OR51B5: variants seen among roughly 807,000 people sequenced by gnomAD.
OR51B5 encodes the protein olfactory receptor 51B5.
For synonymous variants in OR51B5, 186 were observed against 144.8 expected (o/e 1.28, Z -2.04); for missense variants, 456 against 374.6 (o/e 1.22, Z -1.79).
At chr11:5,472,311 A>T (rs10838168) in intron 1 of OR51B5, among the ~76,000 whole-genome samples, 70,895 of 151,996 alleles carry the variant, frequency 0.47, 17,912 homozygotes, top group East Asian at 0.61. Flanking sequence ...CCTAATCACT[A>T]AAGGATTTCG....
At chr11:5,390,045 T>C in intron 1 of OR51B5, 1 of 1,613,634 alleles carries the variant, frequency 6.2e-7, no homozygotes, top group Middle Eastern at 1.6e-4. Flanking sequence ...ATGGTGGTAG[T>C]TTTCACTGTG....
chr11:5,498,249 G>C (rs1427965754), intron 1 of OR51B5, among the ~76,000 whole-genome samples: 11 of 152,062 alleles, frequency 7.2e-5, no homozygotes, highest in African/African-American at 2.7e-4. Context: ...GCGATCCTTG[G>C]GATTAGCTGA....
chr11:5,462,734 A>C (rs1462679407), intron 1 of OR51B5, among the ~76,000 whole-genome samples: 1 of 152,214 alleles, frequency 6.6e-6, no homozygotes, highest in East Asian at 1.9e-4. Context: ...CTTTGGACTC[A>C]GGACCCTCTG....
intron 1 of OR51B5, among the ~76,000 whole-genome samples, chr11:5,417,358 T>C (rs1850259309): frequency 6.6e-6 from 1 of 151,960 alleles, no homozygotes; most frequent in Non-Finnish European, 1.5e-5. Context: ...ATTCAGGACA[T>C]AGGCAAGGGC....
intron 1 of OR51B5, among the ~76,000 whole-genome samples, chr11:5,486,753 C>A (rs999015662): frequency 4.6e-5 from 7 of 152,134 alleles, no homozygotes; most frequent in African/African-American, 1.7e-4. Flanking sequence ...TGGCTGATGC[C>A]CATGACTTTT....
At chr11:5,477,730 C>G (rs576272834) in intron 1 of OR51B5, among the ~76,000 whole-genome samples, 2 of 152,116 alleles carry the variant, frequency 1.3e-5, no homozygotes, top group African/African-American at 4.8e-5. Flanking sequence ...GTTCCCTTTC[C>G]GAGTCAAAGA....
At chr11:5,451,065 G>A (rs932683144) in intron 1 of OR51B5, among the ~76,000 whole-genome samples, 5 of 152,204 alleles carry the variant, frequency 3.3e-5, no homozygotes, top group East Asian at 1.9e-4. Flanking sequence ...AGTATTAAAC[G>A]AGAAAATAAA....
At chr11:5,351,865 T>G in intron 1 of OR51B5, 1 of 1,613,342 alleles carries the variant, frequency 6.2e-7, no homozygotes, top group Non-Finnish European at 8.5e-7. Context: ...GGCTTATGAC[T>G]GTTTCATTAC....
At chr11:5,347,405 T>G (rs10768830), upstream of OR51B5, among the ~76,000 whole-genome samples, 1 of 152,004 alleles carries the variant, frequency 6.6e-6, no homozygotes, top group African/African-American at 2.4e-5. Flanking sequence ...TGAACGCACA[T>G]TCTGCAGTTA....
chr11:5,379,175 A>G (rs957459333), intron 1 of OR51B5, among the ~76,000 whole-genome samples: 2 of 151,952 alleles, frequency 1.3e-5, no homozygotes, highest in African/African-American at 4.8e-5. Flanking sequence ...CATGGATGAA[A>G]TTGGAAATCA....
intron 1 of OR51B5, among the ~76,000 whole-genome samples, chr11:5,387,069 T>C (rs1849706225): frequency 6.6e-6 from 1 of 152,034 alleles, no homozygotes. Flanking sequence ...CACCACTGTA[T>C]AAGTAATAAT....
At chr11:5,362,774 T>A (rs1692938611) in intron 1 of OR51B5, 1 of 224,022 alleles carries the variant, frequency 4.5e-6, no homozygotes, top group Non-Finnish European at 9.2e-6. Flanking sequence ...CTATAAAGAG[T>A]ATCTCCTTGG....
intron 1 of OR51B5, among the ~76,000 whole-genome samples, chr11:5,487,171 G>T (rs1012512741): frequency 1.3e-5 from 2 of 152,140 alleles, no homozygotes; most frequent in Non-Finnish European, 2.9e-5. Flanking sequence ...AATTATATCA[G>T]TTCACTTCTC....
chr11:5,374,308 C>G (rs796714930), intron 1 of OR51B5, among the ~76,000 whole-genome samples: 1 of 152,092 alleles, frequency 6.6e-6, no homozygotes, highest in African/African-American at 2.4e-5. Context: ...ACAGAAAGGA[C>G]ATCCACACCA....
chr11:5,505,626 T>A (rs891372799), exon 1 of OR51B5: 1 of 468,560 alleles, frequency 2.1e-6, no homozygotes, highest in East Asian at 7.9e-5. Flanking sequence ...AGTCACATCC[T>A]ACTGGAATGG....
chr11:5,390,164 C>CATCG (rs769772193), intron 1 of OR51B5: 77 of 1,613,764 alleles, frequency 4.8e-5, no homozygotes, highest in Non-Finnish European at 6.4e-5. Flanking sequence ...ATGCACCGCT[C>CATCG]CTCTCTGTGC....
chr11:5,346,806 G>A (rs1848999144), upstream of OR51B5: 1 of 152,094 alleles, frequency 6.6e-6, no homozygotes, highest in African/African-American at 2.4e-5. Flanking sequence ...ATATCTAGGA[G>A]TATTTCACCA....
chr11:5,348,094 A>C (rs1379938847), upstream of OR51B5, among the ~76,000 whole-genome samples: 1 of 152,102 alleles, frequency 6.6e-6, no homozygotes, highest in Non-Finnish European at 1.5e-5. Context: ...AGCAAGAGAA[A>C]AGTAATAGTG....
intron 1 of OR51B5, among the ~76,000 whole-genome samples, chr11:5,425,063 T>TTCTA (rs149118466): frequency 0.49 from 72,333 of 146,282 alleles, 18,509 homozygotes; most frequent in Non-Finnish European, 0.55. Flanking sequence ...TTCCTCATGT[T>TTCTA]TTATTTTTTC....
Sources: allele counts gnomAD v4.1 joint callset (sites outside exome capture counted in the v4.1 genomes callset), GRCh38; gene constraint gnomAD v4.1.1; transcripts MANE v1.5; gene names NCBI Gene and HGNC (gene_info 2026-07-23, HGNC 2026-07-21).